AFDN: variants seen among roughly 807,000 people sequenced by gnomAD.
AFDN encodes afadin.
Under a neutral mutation model 216.6 loss-of-function variants are expected in AFDN, and 68 were observed. The ratio of observed to expected loss-of-function variants is 0.31; its 90% CI spans 0.26 to 0.38. AFDN has a LOEUF of 0.38. Ranked by LOEUF, AFDN falls within the 10% of genes least tolerant of loss-of-function variation. AFDN has a pLI of 1.00. For synonymous variants in AFDN, 868 were observed against 853.7 expected (o/e 1.02, Z -0.29); for missense variants, 2,136 against 2,342.0 (o/e 0.91, Z 1.82).
chr6:167,833,091 A>C (rs752328565), intron 1 of AFDN, among the ~76,000 whole-genome samples: 16 of 152,212 alleles, frequency 1.1e-4, no homozygotes, highest in Non-Finnish European at 2.1e-4. Context: ...TTAGTGCCTG[A>C]CTGACCTAGG....
intron 30 of AFDN, among the ~76,000 whole-genome samples, chr6:167,960,613 A>G (rs565889267): frequency 6.6e-6 from 1 of 152,216 alleles, no homozygotes; most frequent in Non-Finnish European, 1.5e-5. Context: ...AGAATATTTA[A>G]TATTCTCACT....
chr6:167,892,316 G>A (rs1380886795), intron 8 of AFDN, among the ~76,000 whole-genome samples: 2 of 152,192 alleles, frequency 1.3e-5, no homozygotes, highest in African/African-American at 2.4e-5. Context: ...TCCCAGTATT[G>A]TTGTGTGTCT....
At chr6:167,943,234 A>G in intron 24 of AFDN, 40 bp downstream of exon 24, 1 of 1,565,968 alleles carries the variant, frequency 6.4e-7, no homozygotes, top group Non-Finnish European at 8.8e-7. Flanking sequence ...TCAGTGTGTC[A>G]TATATTCAGC....
intron 23 of AFDN, among the ~76,000 whole-genome samples, chr6:167,926,648 T>C (rs923509951): frequency 5.9e-5 from 9 of 152,222 alleles, no homozygotes; most frequent in African/African-American, 2.2e-4. Context: ...CCCAGGCTGA[T>C]CTCGATCAAA....
At position 167,896,960 on chromosome 6, in the gene AFDN, C is replaced by G. The variant is rs201421121; in HGVS notation, c.1305C>G (p.Asp435Glu). 9.3e-6 allele frequency: 15 copies of G among 1,607,340 alleles called. No homozygotes were observed. In the African/African-American group the frequency reaches 1.2e-4, roughly 13 times the overall value. The change falls in exon 10 of 34, where the codon GAC becomes GAG. Residue 435 changes from aspartate to glutamate, a missense_variant. Transcript: ENST00000683244. ...AAGTTGGGACAGAAAAGTTGGATGA[C>G]AACTCTATCCAGGTACGTAGTCTGA... ...VTEVGTEKLD[D>E]NSIQLFGPGI...
intron 23 of AFDN, 49 bp downstream of exon 23, chr6:167,925,140 T>C (rs1792344129): frequency 7.5e-7 from 1 of 1,333,212 alleles, no homozygotes; most frequent in Non-Finnish European, 1.1e-6. Context: ...CTTTCGGCAT[T>C]GAATCAGTGG....
chr6:167,944,043 C>G lies in AFDN; in HGVS notation c.3342C>G (p.Ser1114=), dbSNP rs1032747942. 1.2e-6 allele frequency: 2 copies of G among 1,613,606 alleles called. No homozygotes were observed. Among genetic ancestry groups the G allele is most frequent in the Non-Finnish European group, 1.7e-6 (2 of 1,179,648 alleles). ...HGLATLLNQP[S]PMMQRISDRR... ...TGGCCACCCTTCTCAATCAGCCATC[C>G]CCCATGATGCAGAGAAGTAAGGACC... The change falls in exon 26 of 34, where the codon TCC becomes TCG. Residue 1114 remains serine, a synonymous_variant. Transcript: ENST00000683244.
At chr6:167,862,442 C>G (rs2128222421) in intron 1 of AFDN, among the ~76,000 whole-genome samples, 1 of 151,866 alleles carries the variant, frequency 6.6e-6, no homozygotes, top group Non-Finnish European at 1.5e-5. Context: ...GTGGCGCGAT[C>G]TTGGCTGACT....
chr6:167,880,395 C>T lies in AFDN; in HGVS notation c.775C>T (p.Pro259Ser), dbSNP rs1339504370. The T allele has an allele frequency of 1.2e-6, 2 of 1,613,314 alleles. No homozygotes were observed. Among genetic ancestry groups the T allele is most frequent in the South Asian group, 1.1e-5 (1 of 90,912 alleles). Residue 259 changes from proline to serine, a missense_variant, in exon 6 of 34, where the codon CCA (proline) becomes TCA (serine). Transcript: ENST00000683244. ...TLRIYADSLK[P>S]NIPYKTILLS... ...GAGAATTTATGCAGATAGTTTAAAA[C>T]CAAATATTCCCTACAAGACAATCCT...
At chr6:167,842,136 T>C (rs971672899) in intron 1 of AFDN, among the ~76,000 whole-genome samples, 3 of 152,152 alleles carry the variant, frequency 2.0e-5, no homozygotes, top group Non-Finnish European at 4.4e-5. Context: ...ACCCTTGCCT[T>C]TCTTGCTTCT....
intron 1 of AFDN, among the ~76,000 whole-genome samples, chr6:167,835,234 A>G (rs1315451774): frequency 6.6e-6 from 1 of 152,262 alleles, no homozygotes; most frequent in Non-Finnish European, 1.5e-5. Context: ...AAGTTTTTAA[A>G]AAATTTTCAT....
intron 30 of AFDN, among the ~76,000 whole-genome samples, chr6:167,960,261 T>A (rs1425989905): frequency 6.6e-6 from 1 of 152,234 alleles, no homozygotes; most frequent in Non-Finnish European, 1.5e-5. Flanking sequence ...TGGTGCTGGT[T>A]GATTTGCCTT....
intron 11 of AFDN, among the ~76,000 whole-genome samples, chr6:167,900,593 G>A (rs914014209): frequency 6.6e-6 from 1 of 152,202 alleles, no homozygotes; most frequent in African/African-American, 2.4e-5. Flanking sequence ...CTTGAAAGAG[G>A]TAGCTTTGGT....
chr6:167,903,756 C>G (rs1789287982), intron 12 of AFDN, among the ~76,000 whole-genome samples: 1 of 152,180 alleles, frequency 6.6e-6, no homozygotes, highest in Non-Finnish European at 1.5e-5. Flanking sequence ...TATGCTTGCT[C>G]CCTCCACTTC....
At chr6:167,952,247 T>C (rs1400520600) in intron 30 of AFDN, 60 bp downstream of exon 30, 4 of 1,612,446 alleles carry the variant, frequency 2.5e-6, no homozygotes, top group Non-Finnish European at 3.4e-6. Flanking sequence ...CTTCTGCGTG[T>C]TTCCCATGGG....
In AFDN at chr6:167,946,741, A is replaced by G; in HGVS notation, c.3393A>G (p.Pro1131=). ...SDRRGSGKPR[P]KSEGFELYNN... ...GTCGTGGCTCAGGTAAACCCCGACC[A>G]AAGAGTGAAGGCTTTGAGCTCTATA... The change falls in exon 27 of 34, where the codon CCA becomes CCG. Residue 1131 remains proline (P), a synonymous_variant. Transcript: ENST00000683244. 1 of 1,614,142 alleles carries G rather than the reference A, an allele frequency of 6.2e-7. No individual in the cohort carries two copies. The highest frequency in any genetic ancestry group is 1.1e-5 in the South Asian group (1 of 91,068).
In AFDN at chr6:167,968,995, T is replaced by C. The variant is rs1797819803; in HGVS notation, c.5258-119T>C. 4 of 778,140 alleles carry C rather than the reference T, an allele frequency of 5.1e-6. No homozygotes were observed. The Admixed American group carries it at 6.7e-5, about 13-fold the overall frequency. 48.2% of individuals were successfully genotyped at this position (778,140 alleles called of 1,614,324 possible). The stretch of plus-strand genomic sequence containing the variant: ...CTTTGATACAATATGAGGGGTCTTT[T>C]ACCTTCCTACTTACTCAGTAAAGGT... On this transcript the variant is annotated intron_variant, in intron 32 of 33. Transcript: ENST00000683244.
intron 7 of AFDN, among the ~76,000 whole-genome samples, chr6:167,890,468 T>C (rs1225497540): frequency 6.6e-6 from 1 of 152,232 alleles, no homozygotes; most frequent in Non-Finnish European, 1.5e-5. Flanking sequence ...AGTGTACTTA[T>C]CACCCTAAAA....
chr6:167,951,309 C>A lies in AFDN; in HGVS notation c.3955C>A (p.Leu1319Met). Residue 1319 changes from leucine (L) to methionine (M), a missense_variant, in exon 30 of 34, where the codon CTG becomes ATG. This residue lies in a region of AFDN where 981 missense variants were observed against 966.0 expected (regional missense o/e 1.02). Coordinates refer to ENST00000683244, the MANE Select transcript of AFDN (RefSeq NM_001386888.1). The surrounding 1 kb of genome is among the most constrained non-coding windows in gnomAD (Gnocchi z 7.1). The part of the protein sequence containing the change: ...SDMWINQSSS[L>M]DSSTSSQEHL... Reference sequence around the variant, plus strand: ...TATGTGGATAAATCAGAGCTCCTCACTGGACTCCAGTACCTCTAGCCAGGA... The same window carrying A: ...TATGTGGATAAATCAGAGCTCCTCAATGGACTCCAGTACCTCTAGCCAGGA... 1 of 1,614,210 alleles carries A rather than the reference C, an allele frequency of 6.2e-7. No individual in the cohort carries two copies. Among genetic ancestry groups the A allele is most frequent in the Middle Eastern group, 1.6e-4 (1 of 6,062 alleles).
Sources: gnomAD v4.1 joint callset for allele counts (sites outside exome capture counted in the v4.1 genomes callset) on GRCh38, gnomAD v4.1.1 for gene constraint, gnomAD v4.1.1 regional missense constraint, Gnocchi (gnomAD v3.1) non-coding constraint, MANE v1.5 for transcripts, NCBI Gene and HGNC (gene_info 2026-07-23, HGNC 2026-07-21) for gene names.